TTC7B: variants seen among roughly 807,000 people sequenced by gnomAD.
TTC7B encodes the protein tetratricopeptide repeat domain 7B, also known as tetratricopeptide repeat protein 7B.
A neutral mutation model predicts 106.8 loss-of-function variants in TTC7B; 28 were observed. The ratio of observed to expected loss-of-function variants is 0.26; its 90% confidence interval spans 0.19 to 0.36. The LOEUF is 0.36. TTC7B is among the 10% of genes least tolerant of loss of function. The pLI, the probability that TTC7B is intolerant of heterozygous loss-of-function variation, is 1.00. For synonymous variants in TTC7B, 405 were observed against 430.6 expected, an observed-to-expected ratio of 0.94 and a Z score of 0.74; for missense variants, 862 against 1,076.4, an observed-to-expected ratio of 0.80 and a Z score of 2.79.
rs750614742 is a variant in TTC7B at position 90,605,605 on chromosome 14, G to T, written c.1966+5137C>A. Reference sequence around the variant, plus strand: ...GGAAAAACCATGTTTACAGAGAGAGGGTTCCCGGCGGGGACCTGCGTCACT... The same window carrying T: ...GGAAAAACCATGTTTACAGAGAGAGTGTTCCCGGCGGGGACCTGCGTCACT... On this transcript the variant is annotated intron_variant, in intron 17 of 19. Coordinates refer to ENST00000328459, the MANE Select transcript of TTC7B (RefSeq NM_001010854.2). 17 of 1,283,072 alleles carry T rather than the reference G, an allele frequency of 1.3e-5. No homozygotes were observed. The East Asian group carries it at 4.5e-4, about 34-fold the overall frequency. 79.5% of individuals were successfully genotyped at this position (1,283,072 alleles called of 1,614,324 possible).
At chr14:90,545,671 A>G (rs1889799523) in intron 19 of TTC7B, among the ~76,000 whole-genome samples, 1 of 152,248 alleles carries the variant, frequency 6.6e-6, no homozygotes, top group African/African-American at 2.4e-5. Context: ...AGAACCCACC[A>G]GTCCCTTCCT....
rs1307304491 is a variant in TTC7B, at chr14:90,655,032, A to C, written c.1420T>G (p.Leu474Val). 5 of 1,614,122 alleles carry C rather than the reference A, an allele frequency of 3.1e-6. No homozygotes were observed. The highest frequency in any genetic ancestry group is 3.4e-6 in the Non-Finnish European group (4 of 1,180,034). The change falls in exon 12 of 20, where the codon TTA becomes GTA. Residue 474 changes from leucine (L) to valine (V), a missense_variant. Leu to Val is a conservative substitution (Grantham distance 32, BLOSUM62 1). Coordinates refer to ENST00000328459, the MANE Select transcript of TTC7B (RefSeq NM_001010854.2). ...AGACTGTACGTGAGCCCCAGAGCTA[A>C]GTAGCCTTTGGCCTTGAACTCTGAC... The part of the protein sequence containing the change: ...KTSEFKAKGY[L>V]ALGLTYSLQA...
At chr14:90,661,377 A>G (rs1886197964) in intron 9 of TTC7B, among the ~76,000 whole-genome samples, 1 of 152,210 alleles carries the variant, frequency 6.6e-6, no homozygotes, top group Non-Finnish European at 1.5e-5. Flanking sequence ...GGAGGCAGAA[A>G]TGAAAGCAGC....
intron 8 of TTC7B, among the ~76,000 whole-genome samples, chr14:90,678,612 C>T (rs1036298875): frequency 3.7e-4 from 57 of 152,184 alleles, no homozygotes; most frequent in African/African-American, 1.2e-3. Context: ...CCACTGATGA[C>T]ATCACTGGAT....
At position 90,805,834 on chromosome 14, in the gene TTC7B, C is replaced by CGT. The variant is rs1482052600; in HGVS notation, c.121+10340_121+10341insAC. On this transcript the variant is annotated intron_variant, in intron 1 of 19. Transcript: ENST00000328459. The surrounding 1 kb of genome is among the most constrained non-coding windows in gnomAD (Gnocchi z 4.0). ...ATCAGAGTCACTCCTGTGAGCCCTGCGGCGGGCACAGCTCAATGCCCAGGG... is the reference window on the plus strand; with the variant it reads ...ATCAGAGTCACTCCTGTGAGCCCTGCGTGGCGGGCACAGCTCAATGCCCAGGG... Among the ~76,000 whole-genome samples the CGT allele has an allele frequency of 1.4e-5, 2 of 147,586 alleles. No individual in the cohort carries two copies. Among genetic ancestry groups the CGT allele is most frequent in the East Asian group, 3.9e-4 (2 of 5,194 alleles).
intron 3 of TTC7B, among the ~76,000 whole-genome samples, chr14:90,772,306 A>G (rs997003965): frequency 6.6e-6 from 1 of 152,200 alleles, no homozygotes; most frequent in Non-Finnish European, 1.5e-5. Context: ...AGCCTCGTGT[A>G]TAACAGTGAA....
intron 18 of TTC7B, among the ~76,000 whole-genome samples, chr14:90,592,932 CAG>C (rs1262238109): frequency 3.3e-5 from 5 of 152,254 alleles, no homozygotes; most frequent in African/African-American, 1.2e-4. Context: ...ACCAAACACA[CAG>C]CCCCTTCCCT....
At chr14:90,797,277 A>G (rs111689246) in intron 1 of TTC7B, among the ~76,000 whole-genome samples, 9,111 of 66,816 alleles carry the variant, frequency 0.14, 3,303 homozygotes, top group Non-Finnish European at 0.25. Context: ...ATATGGTAAA[A>G]CCCCATCTCT....
intron 15 of TTC7B, among the ~76,000 whole-genome samples, chr14:90,626,144 C>T (rs1440203362): frequency 6.6e-6 from 1 of 152,110 alleles, no homozygotes; most frequent in Non-Finnish European, 1.5e-5. Context: ...TCCTAACCTG[C>T]CATGGTCTGA....
rs539402930 is a variant in TTC7B, at chr14:90,783,435, C to T, written c.277-2529G>A. 2.0e-5 allele frequency among the ~76,000 whole-genome samples: 3 copies of T among 152,294 alleles called. No individual in the cohort carries two copies. The East Asian group carries it at 5.8e-4, about 29-fold the overall frequency. ...AAGAGCAATGGGAGAAAAAAATTCTCTAGGTAGAACTAATAACATAGCAAG... is the reference window on the plus strand; with the variant it reads ...AAGAGCAATGGGAGAAAAAAATTCTTTAGGTAGAACTAATAACATAGCAAG... On this transcript the variant is annotated intron_variant, in intron 2 of 19. Coordinates refer to ENST00000328459, the MANE Select transcript of TTC7B (RefSeq NM_001010854.2).
chr14:90,700,755 C>G (rs1195257516), intron 5 of TTC7B, among the ~76,000 whole-genome samples: 1 of 79,886 alleles, frequency 1.3e-5, no homozygotes, highest in Non-Finnish European at 2.7e-5. Context: ...TCAACACTTA[C>G]AACTCCGGAA....
intron 5 of TTC7B, among the ~76,000 whole-genome samples, chr14:90,705,545 T>G (rs1888171617): frequency 6.6e-6 from 1 of 152,144 alleles, no homozygotes; most frequent in African/African-American, 2.4e-5. Context: ...CCCCCTCAAT[T>G]CTTTCTTAAT....
At position 90,743,943 on chromosome 14, in the gene TTC7B, G is replaced by A. The variant is rs530440874; in HGVS notation, c.576+849C>T. Among the ~76,000 whole-genome samples, 7 of 152,322 alleles carry A rather than the reference G, an allele frequency of 4.6e-5. No homozygotes were observed. In the South Asian group the frequency reaches 6.2e-4, roughly 14 times the overall value. On this transcript the variant is annotated intron_variant, in intron 4 of 19. Transcript: ENST00000328459. ...CGAGCTTAGAACCCCGAGCTCACTCGTTCTCTGCTCAGAGGCCCTCTTGTC... is the reference window on the plus strand; with the variant it reads ...CGAGCTTAGAACCCCGAGCTCACTCATTCTCTGCTCAGAGGCCCTCTTGTC...
chr14:90,603,171 C>A, intron 17 of TTC7B: 1 of 1,003,972 alleles, frequency 1.0e-6, no homozygotes, highest in Non-Finnish European at 1.4e-6. Context: ...CAGCACTCAA[C>A]AACCACAATG....
In TTC7B at chr14:90,534,495, C is replaced by CG. The variant is rs1889367370; in HGVS notation, c.*6872_*6873insC. 1 of 152,436 alleles carries CG rather than the reference C, an allele frequency of 6.6e-6. No individual in the cohort carries two copies. Among genetic ancestry groups the CG allele is most frequent in the African/African-American group, 2.4e-5 (1 of 41,448 alleles). The allele number at this position is 152,436 out of a possible 1,614,324, so 9.4% of individuals were successfully genotyped here. A position where few individuals can be genotyped will look rare whatever the true frequency, so the allele number is the denominator to read the frequency against. ...GACGCTAGGGGAGGGATGGGAGCAG[C>CG]CACCTGGTACAGTGCCCAAGACACA... On this transcript the variant is annotated 3_prime_UTR_variant, in exon 20 of 20. Transcript: ENST00000328459.
chr14:90,620,253 G>C (rs1893255765), intron 15 of TTC7B, among the ~76,000 whole-genome samples: 1 of 152,090 alleles, frequency 6.6e-6, no homozygotes, highest in Non-Finnish European at 1.5e-5. Context: ...GGCTAGATGT[G>C]AGAATAGGGC....
chr14:90,575,994 G>A lies in TTC7B; in HGVS notation c.2310+2112C>T, dbSNP rs573450910. On this transcript the variant is annotated intron_variant, in intron 19 of 19. Coordinates refer to ENST00000328459, the MANE Select transcript of TTC7B (RefSeq NM_001010854.2). This position sits in a 1 kb window ranked among gnomAD's most constrained non-coding sequence, Gnocchi z 5.2. ...ACCATGGCCCTAGTCTCACTCACCA[G>A]CTCCCTCGTGCTGGGTCAACTGCTT... Among the ~76,000 whole-genome samples the A allele has an allele frequency of 2.0e-5, 3 of 152,144 alleles. No individual in the cohort carries two copies. The highest frequency in any genetic ancestry group is 7.2e-5 in the African/African-American group (3 of 41,492).
intron 9 of TTC7B, among the ~76,000 whole-genome samples, chr14:90,668,531 A>G (rs1039372365): frequency 2.6e-5 from 4 of 152,208 alleles, no homozygotes; most frequent in African/African-American, 4.8e-5. Flanking sequence ...TACATTAGAA[A>G]GCAGATTATT....
At chr14:90,748,129 A>AT (rs891054064) in intron 3 of TTC7B, among the ~76,000 whole-genome samples, 1 of 152,186 alleles carries the variant, frequency 6.6e-6, no homozygotes, top group East Asian at 1.9e-4. Flanking sequence ...ATTTAATGTA[A>AT]TTTTTTAAAC....
Sources: allele counts gnomAD v4.1 joint callset (sites outside exome capture counted in the v4.1 genomes callset), GRCh38; gene constraint gnomAD v4.1.1; non-coding constraint Gnocchi (gnomAD v3.1); transcripts MANE v1.5; gene names NCBI Gene and HGNC (gene_info 2026-07-23, HGNC 2026-07-21).